The following CADM2 variants were observed in gnomAD, a reference collection of about 807,000 sequenced individuals.
CADM2 encodes immunoglobulin superfamily member 4D.
CADM2 carries 12 observed loss-of-function variants against 49.8 expected under a neutral mutation model. The ratio of observed to expected loss-of-function variants is 0.24; its 90% CI spans 0.15 to 0.39. CADM2 has a LOEUF of 0.39. CADM2 is among the 10% of genes least tolerant of loss of function. The pLI is 1.00. For synonymous variants in CADM2, 214 were observed against 175.4 expected (o/e 1.22, Z -1.74); for missense variants, 378 against 492.3 (o/e 0.77, Z 2.20).
intron 8 of CADM2, among the ~76,000 whole-genome samples, chr3:85,988,553 G>GA (rs1172000390): frequency 3.9e-5 from 6 of 152,040 alleles, no homozygotes; most frequent in Admixed American, 6.6e-5. Flanking sequence ...TAAACTATTG[G>GA]AAAAAACCTG....
chr3:85,527,738 A>G (rs749379705), intron 1 of CADM2, among the ~76,000 whole-genome samples: 19 of 152,204 alleles, frequency 1.2e-4, no homozygotes, highest in Non-Finnish European at 1.9e-4. Flanking sequence ...TCGAAAAAGC[A>G]GCATTTCAGA....
At chr3:86,058,143 TC>T (rs1738213366) in intron 8 of CADM2, among the ~76,000 whole-genome samples, 1 of 152,214 alleles carries the variant, frequency 6.6e-6, no homozygotes, top group Non-Finnish European at 1.5e-5. Flanking sequence ...GCCACCAGAT[TC>T]TTTTTCCATC....
intron 5 of CADM2, among the ~76,000 whole-genome samples, chr3:85,902,683 T>G (rs1419169489): frequency 1.3e-5 from 2 of 151,512 alleles, no homozygotes; most frequent in Non-Finnish European, 3.0e-5. Flanking sequence ...TAGTTTAACA[T>G]TTAAATTCCT....
intron 1 of CADM2, among the ~76,000 whole-genome samples, chr3:85,199,234 C>G (rs2041422241): frequency 6.6e-6 from 1 of 151,476 alleles, no homozygotes; most frequent in South Asian, 2.1e-4. Flanking sequence ...TATTTGTATT[C>G]ATTTTAATAT....
At chr3:85,416,836 G>A (rs750517171) in intron 1 of CADM2, among the ~76,000 whole-genome samples, 1 of 152,136 alleles carries the variant, frequency 6.6e-6, no homozygotes, top group Non-Finnish European at 1.5e-5. Context: ...CAATTCTGGA[G>A]CTAAATAATT....
At chr3:85,064,068 A>T (rs563785410) in intron 1 of CADM2, among the ~76,000 whole-genome samples, 1 of 152,180 alleles carries the variant, frequency 6.6e-6, no homozygotes, top group East Asian at 1.9e-4. Context: ...AGTAGACATA[A>T]TCTGTTCAAT....
At chr3:85,486,776 A>G (rs2107637480) in intron 1 of CADM2, among the ~76,000 whole-genome samples, 1 of 152,302 alleles carries the variant, frequency 6.6e-6, no homozygotes, top group African/African-American at 2.4e-5. Context: ...GTCTGAATCT[A>G]GATACCTTAC....
intron 1 of CADM2, among the ~76,000 whole-genome samples, chr3:85,470,652 G>A (rs1238222938): frequency 6.6e-6 from 1 of 152,076 alleles, no homozygotes; most frequent in Non-Finnish European, 1.5e-5. Flanking sequence ...ATTCTCCCAA[G>A]TTATTTATAA....
intron 8 of CADM2, among the ~76,000 whole-genome samples, chr3:86,055,780 T>C (rs1737914135): frequency 6.6e-6 from 1 of 152,142 alleles, no homozygotes; most frequent in African/African-American, 2.4e-5. Context: ...CATTCAGACC[T>C]TAGCAGATTC....
At chr3:85,866,417 A>T (rs1220135118) in intron 3 of CADM2, among the ~76,000 whole-genome samples, 2 of 152,088 alleles carry the variant, frequency 1.3e-5, no homozygotes, top group Non-Finnish European at 2.9e-5. Flanking sequence ...AAGTTTCTAG[A>T]ACAGTTTTCT....
intron 1 of CADM2, among the ~76,000 whole-genome samples, chr3:84,984,788 C>T (rs1270694269): frequency 6.6e-6 from 1 of 152,130 alleles, no homozygotes; most frequent in Non-Finnish European, 1.5e-5. Context: ...TATTTCCATT[C>T]AATTTGTAGC....
intron 1 of CADM2, among the ~76,000 whole-genome samples, chr3:85,569,347 A>G (rs2062409044): frequency 6.6e-6 from 1 of 152,008 alleles, no homozygotes; most frequent in Non-Finnish European, 1.5e-5. Flanking sequence ...TTAATCATCT[A>G]GCCATTGAAG....
intron 1 of CADM2, among the ~76,000 whole-genome samples, chr3:85,238,912 A>G (rs2042468561): frequency 6.6e-6 from 1 of 151,596 alleles, no homozygotes; most frequent in South Asian, 2.1e-4. Flanking sequence ...TATTCAAGGG[A>G]TACAAACTAA....
intron 5 of CADM2, among the ~76,000 whole-genome samples, chr3:85,887,082 C>A (rs1713762088): frequency 6.6e-6 from 1 of 152,120 alleles, no homozygotes; most frequent in African/African-American, 2.4e-5. Flanking sequence ...TGTTATTTAT[C>A]TATTTATTTT....
chr3:85,871,698 C>T (rs1488688853), intron 3 of CADM2, among the ~76,000 whole-genome samples: 1 of 152,134 alleles, frequency 6.6e-6, no homozygotes, highest in Non-Finnish European at 1.5e-5. Context: ...TAACATTACT[C>T]TATCGTTGTC....
chr3:85,909,833 A>G (rs1717321243), intron 5 of CADM2, among the ~76,000 whole-genome samples: 1 of 152,174 alleles, frequency 6.6e-6, no homozygotes, highest in East Asian at 1.9e-4. Context: ...CGTTATTTTA[A>G]AAATACAGAA....
chr3:85,327,427 T>A lies in CADM2; in HGVS notation c.61+367759T>A, dbSNP rs1408169657. Among the ~76,000 whole-genome samples the A allele has an allele frequency of 2.6e-5, 4 of 151,750 alleles. No homozygotes were observed. In the East Asian group the frequency reaches 7.7e-4, roughly 29 times the overall value. ...CACACCACCATGCCAGGCTAATTTT[T>A]GTATTTTTAGTAGAGATGGAGTTTT... is the stretch of plus-strand genomic sequence containing the variant. On this transcript the variant is annotated intron_variant, in intron 1 of 9. Transcript: ENST00000383699.
At chr3:85,496,671 C>A (rs1275476572) in intron 1 of CADM2, among the ~76,000 whole-genome samples, 6 of 152,204 alleles carry the variant, frequency 3.9e-5, no homozygotes, top group Middle Eastern at 3.4e-3. Context: ...AGCGTATAAC[C>A]ATTCCCTTTT....
chr3:85,095,096 C>T lies in CADM2; in HGVS notation c.61+135428C>T, dbSNP rs74520549. Among the ~76,000 whole-genome samples, 1,169 of 152,276 alleles carry T rather than the reference C, an allele frequency of 7.7e-3. 25 individuals carry two copies. The highest frequency in any genetic ancestry group is 5.8e-3 in the Non-Finnish European group (395 of 68,012). ...ATGGAAACTCATACCCAATGGATGT[C>T]TATCAATACCTTTACAAATTACAAG... On this transcript the variant is annotated intron_variant, in intron 1 of 9. Transcript: ENST00000383699.
Sources: gnomAD v4.1 joint callset for allele counts (sites outside exome capture counted in the v4.1 genomes callset) on GRCh38, gnomAD v4.1.1 for gene constraint, MANE v1.5 for transcripts, NCBI Gene and HGNC (gene_info 2026-07-23, HGNC 2026-07-21) for gene names.